Variants in CD300LG observed in about 807,000 individuals in gnomAD.
The protein encoded by CD300LG is CMRF35-like molecule 9.
A neutral mutation model predicts 31.5 loss-of-function variants in CD300LG; 29 were observed. The observed-to-expected ratio is 0.92, with a 90% confidence interval of 0.68 to 1.25. The LOEUF (loss-of-function observed/expected upper bound fraction) is 1.25, where lower values mean the gene tolerates loss of function less well. Ranked by LOEUF, CD300LG falls within the 50% of genes most tolerant of loss-of-function variation. The probability of loss-of-function intolerance (pLI) is 0.00; values close to 1 mark genes in which losing one functional copy is unlikely to be tolerated. For synonymous variants in CD300LG, 175 were observed against 177.2 expected, an observed-to-expected ratio of 0.99 and a Z score of 0.10; for missense variants, 396 against 417.6, an observed-to-expected ratio of 0.95 and a Z score of 0.45.
chr17:43,853,222 T>G (rs931636110), intron 3 of CD300LG, among the ~76,000 whole-genome samples: 3 of 151,866 alleles, frequency 2.0e-5, no homozygotes, highest in Non-Finnish European at 2.9e-5. Flanking sequence ...ATCCCAGAAG[T>G]GGTCACAGCC....
intron 1 of CD300LG, 49 bp downstream of exon 1, chr17:43,847,308 G>A (rs200330304): frequency 1.3e-6 from 2 of 1,595,664 alleles, no homozygotes; most frequent in East Asian, 4.5e-5. Context: ...CACCCTTGTG[G>A]TCTGCAGGGA....
At position 43,852,908 on chromosome 17, in the gene CD300LG, C is replaced by T. The variant is rs1470764013; in HGVS notation, c.380-4C>T. On this transcript the variant is annotated splice_region_variant and splice_polypyrimidine_tract_variant and intron_variant, in intron 2 of 6. Coordinates refer to ENST00000317310, the MANE Select transcript of CD300LG (RefSeq NM_145273.4). ...CCTGAGAGCAGCCTTTCCCTTTCCTCTAGGACCCTGCTGTCCTCCCTCCCC... is the reference window on the plus strand; with the variant it reads ...CCTGAGAGCAGCCTTTCCCTTTCCTTTAGGACCCTGCTGTCCTCCCTCCCC... 3 of 1,609,058 alleles carry T rather than the reference C, an allele frequency of 1.9e-6. No individual in the cohort carries two copies. The African/African-American group carries it at 4.0e-5, about 22-fold the overall frequency.
Position 43,848,862 on chromosome 17 carries a change from G to A in CD300LG, c.348G>A (p.Glu116=), listed in dbSNP as rs1265183659. ...GGGTCGAAAAACGGGGCCCCGATGA[G>A]TCTTTACTGATCTCTCTGTTCGTCT... ...WCGVEKRGPD[E]SLLISLFVFP... is the part of the protein sequence containing the mutation. Residue 116 remains glutamate, a synonymous_variant, in exon 2 of 7, where the codon GAG becomes GAA. Transcript: ENST00000317310. The A allele has an allele frequency of 1.2e-6, 2 of 1,613,338 alleles. No individual in the cohort carries two copies. Among genetic ancestry groups the A allele is most frequent in the Non-Finnish European group, 8.5e-7 (1 of 1,179,562 alleles).
At position 43,848,322 on chromosome 17, in the gene CD300LG, A is replaced by G. The variant is rs1197886879; in HGVS notation, c.44-236A>G. ...CTATCTGGCTGTCAGATTCTATCTGAATCTAGAACGCCACCCCTGCACCCC... is the reference window on the plus strand; with the variant it reads ...CTATCTGGCTGTCAGATTCTATCTGGATCTAGAACGCCACCCCTGCACCCC... On this transcript the variant is annotated intron_variant, in intron 1 of 6. Coordinates refer to ENST00000317310, the MANE Select transcript of CD300LG (RefSeq NM_145273.4). Among the ~76,000 whole-genome samples, 17 of 152,174 alleles carry G rather than the reference A, an allele frequency of 1.1e-4. 1 individual carries two copies. Among genetic ancestry groups the G allele is most frequent in the Non-Finnish European group, 1.5e-5 (1 of 68,020 alleles).
chr17:43,848,871 G>A lies in CD300LG; in HGVS notation c.357G>A (p.Leu119=), dbSNP rs2046266075. The A allele has an allele frequency of 1.2e-6, 2 of 1,611,394 alleles. No homozygotes were observed. Among genetic ancestry groups the A allele is most frequent in the Non-Finnish European group, 8.5e-7 (1 of 1,177,780 alleles). The change falls in exon 2 of 7, where the codon CTG becomes CTA. Residue 119 remains leucine (L), a synonymous_variant. Coordinates refer to ENST00000317310, the MANE Select transcript of CD300LG (RefSeq NM_145273.4). ...VEKRGPDESL[L]ISLFVFPGPC... ...AACGGGGCCCCGATGAGTCTTTACT[G>A]ATCTCTCTGTTCGTCTTTCCAGGTA...
At chr17:43,847,424 G>C (rs1163211303) in intron 1 of CD300LG, among the ~76,000 whole-genome samples, 165 bp downstream of exon 1, 2 of 152,168 alleles carry the variant, frequency 1.3e-5, no homozygotes, top group African/African-American at 2.4e-5. Flanking sequence ...GGTGGCGCCG[G>C]GGCCGCACTT....
intron 6 of CD300LG, among the ~76,000 whole-genome samples, chr17:43,859,714 A>C (rs2046614714): frequency 6.6e-6 from 1 of 152,100 alleles, no homozygotes; most frequent in Non-Finnish European, 1.5e-5. Flanking sequence ...CTCTGTCCTC[A>C]CCATGGGCAG....
intron 2 of CD300LG, 121 bp downstream of exon 2, chr17:43,849,014 A>C: frequency 1.1e-6 from 1 of 890,430 alleles, no homozygotes; most frequent in Non-Finnish European, 1.7e-6. Context: ...GAGATCATGC[A>C]GGTCAAGCAC....
chr17:43,858,685 C>T (rs1393662413), intron 6 of CD300LG: 2 of 985,244 alleles, frequency 2.0e-6, no homozygotes, highest in African/African-American at 3.5e-5. Context: ...TGATTATTTC[C>T]CTTGTGGCTT....
Position 43,853,826 on chromosome 17 carries a change from G to A in CD300LG, c.501G>A (p.Pro167=), listed in dbSNP as rs140396225. 36 of 1,613,816 alleles carry A rather than the reference G, an allele frequency of 2.2e-5. No homozygotes were observed. Among genetic ancestry groups the A allele is most frequent in the Non-Finnish European group, 2.5e-5 (30 of 1,179,906 alleles). ...TTGTAGCTTCTCCTGGGCTCTACCC[G>A]GCAGCCACCACAGCCAAGCAGGGGA... The part of the protein sequence containing the change: ...PPGLTSPGLY[P]AATTAKQGKT... Residue 167 remains proline (P), a synonymous_variant, in exon 4 of 7, where the codon CCG becomes CCA. Transcript: ENST00000317310.
chr17:43,856,519 T>A (rs1219816351), intron 5 of CD300LG, among the ~76,000 whole-genome samples: 1 of 152,148 alleles, frequency 6.6e-6, no homozygotes, highest in African/African-American at 2.4e-5. Context: ...GGGAAGATAA[T>A]CACAATGTCA....
chr17:43,850,523 T>C (rs2046318754), intron 2 of CD300LG, among the ~76,000 whole-genome samples: 1 of 152,078 alleles, frequency 6.6e-6, no homozygotes, highest in Non-Finnish European at 1.5e-5. Flanking sequence ...CAGACGGGAG[T>C]GCAGTGACAC....
chr17:43,854,170 C>T (rs1468525604), intron 4 of CD300LG, 126 bp downstream of exon 4: 5 of 716,976 alleles, frequency 7.0e-6, no homozygotes, highest in South Asian at 1.8e-5. Context: ...CCACAGCCTG[C>T]AGCACAGAGA....
chr17:43,861,739 C>A, intron 6 of CD300LG, 59 bp from the exon 7 acceptor site: 1 of 1,203,968 alleles, frequency 8.3e-7, no homozygotes, highest in Non-Finnish European at 1.1e-6. Flanking sequence ...GACCACCCCT[C>A]ACACCTCCCA....
intron 1 of CD300LG, among the ~76,000 whole-genome samples, chr17:43,847,981 G>A (rs979460868): frequency 2.0e-5 from 3 of 151,970 alleles, no homozygotes; most frequent in South Asian, 2.1e-4. Flanking sequence ...GGTGGCTCAC[G>A]CCTGTAATCC....
At chr17:43,856,869 T>C (rs1597712090) in intron 5 of CD300LG, among the ~76,000 whole-genome samples, 1 of 152,226 alleles carries the variant, frequency 6.6e-6, no homozygotes, top group Non-Finnish European at 1.5e-5. Flanking sequence ...AGATTTATTT[T>C]CCCAGCCAGT....
Position 43,848,860 on chromosome 17 carries a change from G to A in CD300LG, c.346G>A (p.Glu116Lys), listed in dbSNP as rs372637400. 30 of 1,613,870 alleles carry A rather than the reference G, an allele frequency of 1.9e-5. No homozygotes were observed. The Admixed American group carries it at 2.2e-4, about 12-fold the overall frequency. ...TGGGGTCGAAAAACGGGGCCCCGAT[G>A]AGTCTTTACTGATCTCTCTGTTCGT... ...WCGVEKRGPDESLLISLFVFP... is the reference protein window; with the variant it reads ...WCGVEKRGPDKSLLISLFVFP... The change falls in exon 2 of 7, where the codon GAG (glutamate) becomes AAG (lysine). Residue 116 changes from glutamate to lysine, a missense_variant. Glu to Lys is a moderately conservative substitution (Grantham distance 56). Transcript: ENST00000317310.
chr17:43,855,574 C>G, intron 5 of CD300LG: 2 of 337,632 alleles, frequency 5.9e-6, no homozygotes, highest in Non-Finnish European at 1.1e-5. Flanking sequence ...TGATCAAGCA[C>G]TTCTCTACCT....
rs142168889 is a variant in CD300LG, at chr17:43,852,915, C to G, written c.383C>G (p.Pro128Arg). 1.1e-3 allele frequency: 1,737 copies of G among 1,610,482 alleles called. 1 individual carries two copies. Among genetic ancestry groups the G allele is most frequent in the Non-Finnish European group, 1.4e-3 (1,609 of 1,178,014 alleles). Residue 128 changes from proline (P) to arginine (R), a missense_variant, in exon 3 of 7, where the codon CCC becomes CGC. Pro to Arg is a moderately radical substitution (Grantham distance 103). Transcript: ENST00000317310. ...GCAGCCTTTCCCTTTCCTCTAGGAC[C>G]CTGCTGTCCTCCCTCCCCTTCTCCC... ...LLISLFVFPG[P>R]CCPPSPSPTF...
Sources: allele counts gnomAD v4.1 joint callset (sites outside exome capture counted in the v4.1 genomes callset), GRCh38; gene constraint gnomAD v4.1.1; transcripts MANE v1.5; gene names NCBI Gene and HGNC (gene_info 2026-07-23, HGNC 2026-07-21).